Variants in ANKFN1 observed in about 807,000 individuals in gnomAD.
ANKFN1 encodes ankyrin repeat and fibronectin type III domain containing 1.
Under a neutral mutation model 108.7 loss-of-function variants are expected in ANKFN1, and 74 were observed. The ratio of observed to expected loss-of-function variants is 0.68; its 90% CI spans 0.56 to 0.83. The LOEUF is 0.83. Ranked by LOEUF, ANKFN1 falls within the 40% of genes least tolerant of loss-of-function variation. The probability of loss-of-function intolerance (pLI) is 0.00; values close to 1 mark genes in which losing one functional copy is unlikely to be tolerated. For synonymous variants in ANKFN1, 547 were observed against 516.2 expected (o/e 1.06, Z -0.81); for missense variants, 1,505 against 1,382.3 (o/e 1.09, Z -1.41).
At chr17:56,124,546 G>A (rs963329535) in intron 4 of ANKFN1, among the ~76,000 whole-genome samples, 1 of 152,148 alleles carries the variant, frequency 6.6e-6, no homozygotes, top group Non-Finnish European at 1.5e-5. Context: ...GTGTATGCTG[G>A]GACAGGAGTC....
chr17:56,138,924 A>G (rs115726587), intron 4 of ANKFN1, among the ~76,000 whole-genome samples: 1,646 of 152,260 alleles, frequency 0.011, 25 homozygotes, highest in African/African-American at 0.037. Flanking sequence ...AGAACAATTA[A>G]GCACTCATGA....
chr17:56,122,650 G>A (rs74455824), intron 4 of ANKFN1, among the ~76,000 whole-genome samples: 1,573 of 152,226 alleles, frequency 0.01, 27 homozygotes, highest in African/African-American at 0.035. Flanking sequence ...TTCCGCCCCT[G>A]ACCAAATGCT....
intron 8 of ANKFN1, among the ~76,000 whole-genome samples, chr17:56,411,831 A>G (rs1031059335): frequency 1.6e-4 from 25 of 152,314 alleles, no homozygotes; most frequent in Admixed American, 1.4e-3. Flanking sequence ...TACCCCTGGA[A>G]TGAATCCCAC....
chr17:56,293,872 T>G (rs2044436388), intron 3 of ANKFN1, among the ~76,000 whole-genome samples: 1 of 152,178 alleles, frequency 6.6e-6, no homozygotes, highest in Admixed American at 6.5e-5. Flanking sequence ...AGCACCTCTG[T>G]CCCTTCTCCA....
At chr17:56,146,942 T>A (rs544617980) in intron 4 of ANKFN1, among the ~76,000 whole-genome samples, 87 of 152,298 alleles carry the variant, frequency 5.7e-4, no homozygotes, top group African/African-American at 2.0e-3. Flanking sequence ...AACTTTTATG[T>A]CTGCTTCCTC....
intron 1 of ANKFN1, among the ~76,000 whole-genome samples, chr17:56,201,190 A>G (rs1914021731): frequency 6.6e-6 from 1 of 152,144 alleles, no homozygotes; most frequent in Non-Finnish European, 1.5e-5. Context: ...CCAGTCCTGG[A>G]TACCTCTCAA....
At chr17:56,053,186 G>A (rs971914631) in intron 4 of ANKFN1, among the ~76,000 whole-genome samples, 9 of 152,094 alleles carry the variant, frequency 5.9e-5, no homozygotes, top group African/African-American at 2.2e-4. Flanking sequence ...CATAGGAAGT[G>A]TATGTATCTG....
chr17:56,142,664 C>T (rs1907995698), intron 4 of ANKFN1, among the ~76,000 whole-genome samples: 1 of 152,186 alleles, frequency 6.6e-6, no homozygotes, highest in Non-Finnish European at 1.5e-5. Context: ...TCCTGTATTT[C>T]CTCATGCTGA....
intron 4 of ANKFN1, among the ~76,000 whole-genome samples, chr17:56,116,968 T>A (rs1014942314): frequency 2.6e-5 from 4 of 152,082 alleles, no homozygotes; most frequent in African/African-American, 4.8e-5. Flanking sequence ...TCTGTGAAAA[T>A]TTATCAATTA....
chr17:56,506,284 G>A (rs1437778439), intron 20 of ANKFN1, among the ~76,000 whole-genome samples: 2 of 146,080 alleles, frequency 1.4e-5, no homozygotes, highest in African/African-American at 5.0e-5. Flanking sequence ...TTTGAAAAAA[G>A]GGTCATTGCA....
chr17:56,065,171 C>T (rs762357477), intron 4 of ANKFN1, among the ~76,000 whole-genome samples: 4 of 152,208 alleles, frequency 2.6e-5, no homozygotes, highest in Non-Finnish European at 5.9e-5. Flanking sequence ...CTTGGCCCTG[C>T]ACCTCATTGT....
At chr17:56,134,378 C>T (rs1907469646) in intron 4 of ANKFN1, among the ~76,000 whole-genome samples, 1 of 152,148 alleles carries the variant, frequency 6.6e-6, no homozygotes, top group African/African-American at 2.4e-5. Context: ...TTTCCAGCCA[C>T]TCTCCCCTCT....
chr17:56,047,133 C>A (rs562318981), intron 4 of ANKFN1, among the ~76,000 whole-genome samples: 140 of 152,152 alleles, frequency 9.2e-4, no homozygotes, highest in Non-Finnish European at 1.6e-3. Flanking sequence ...TGCTGTATAC[C>A]TTTGGGTAAT....
At chr17:56,089,365 T>C (rs1181348831) in intron 4 of ANKFN1, among the ~76,000 whole-genome samples, 1 of 151,434 alleles carries the variant, frequency 6.6e-6, no homozygotes. Flanking sequence ...CTGCGATAAA[T>C]ACACCATATA....
At chr17:56,461,365 A>T (rs1268132344) in intron 14 of ANKFN1, among the ~76,000 whole-genome samples, 1 of 152,172 alleles carries the variant, frequency 6.6e-6, no homozygotes, top group African/African-American at 2.4e-5. Context: ...AACATTTTAT[A>T]CACTTGGTTC....
intron 4 of ANKFN1, among the ~76,000 whole-genome samples, chr17:56,088,033 G>A (rs1235519867): frequency 1.3e-5 from 2 of 151,244 alleles, no homozygotes; most frequent in Non-Finnish European, 3.0e-5. Context: ...ATAGGCATGA[G>A]AGGTTTTATT....
intron 2 of ANKFN1, among the ~76,000 whole-genome samples, chr17:56,226,334 C>T (rs1211882832): frequency 6.6e-6 from 1 of 152,126 alleles, no homozygotes; most frequent in African/African-American, 2.4e-5. Flanking sequence ...AACCTCTTAC[C>T]TGTATAAAGA....
intron 14 of ANKFN1, among the ~76,000 whole-genome samples, chr17:56,460,068 A>G (rs1007164125): frequency 1.3e-5 from 2 of 151,174 alleles, no homozygotes; most frequent in African/African-American, 4.9e-5. Flanking sequence ...AAAAAAAAAA[A>G]TCACAAAAAA....
chr17:56,443,325 C>T (rs1311116703), intron 10 of ANKFN1, among the ~76,000 whole-genome samples: 4 of 152,114 alleles, frequency 2.6e-5, no homozygotes, highest in Non-Finnish European at 5.9e-5. Context: ...AAGATCGCAC[C>T]ACTGCACTCC....
Sources: allele counts gnomAD v4.1 joint callset (sites outside exome capture counted in the v4.1 genomes callset), GRCh38; gene constraint gnomAD v4.1.1; transcripts MANE v1.5; gene names NCBI Gene and HGNC (gene_info 2026-07-23, HGNC 2026-07-21).